PAPOLG: variants seen among roughly 807,000 people sequenced by gnomAD.
The protein encoded by PAPOLG is poly(A) polymerase gamma.
Under a neutral mutation model 99.0 loss-of-function variants are expected in PAPOLG, and 40 were observed. The ratio of observed to expected loss-of-function variants is 0.40; its 90% CI spans 0.31 to 0.53. The LOEUF (loss-of-function observed/expected upper bound fraction) is 0.53, where lower values mean the gene tolerates loss of function less well. Ranked by LOEUF, PAPOLG falls within the 20% of genes least tolerant of loss-of-function variation. PAPOLG has a pLI of 0.41. For missense variants in PAPOLG, 675 were observed against 884.1 expected (o/e 0.76, Z 3.00); for synonymous variants, 310 against 299.3 (o/e 1.04, Z -0.37).
intron 3 of PAPOLG, among the ~76,000 whole-genome samples, chr2:60,762,338 C>T (rs981814104): frequency 1.3e-5 from 2 of 152,080 alleles, no homozygotes; most frequent in Non-Finnish European, 2.9e-5. Context: ...TTTTTCCCCT[C>T]CTGTAGCTTA....
At chr2:60,756,626 C>T (rs1225490309) in intron 1 of PAPOLG, 131 bp downstream of exon 1, 1 of 1,055,552 alleles carries the variant, frequency 9.5e-7, no homozygotes, top group Non-Finnish European at 1.3e-6. Flanking sequence ...TCCTTCCCGG[C>T]TCCCGGCCGG....
At position 60,786,960 on chromosome 2, in the gene PAPOLG, G is replaced by A. The variant is rs1433944868; in HGVS notation, c.1180G>A (p.Glu394Lys). ...TGTTTATTTTAGGGTTGGATTAGTAGAATCTAAAATCCGTGTACTTGTTGG... is the reference window on the plus strand; with the variant it reads ...TGTTTATTTTAGGGTTGGATTAGTAAAATCTAAAATCCGTGTACTTGTTGG... ...ENHLEWVGLV[E>K]SKIRVLVGNL... Residue 394 changes from glutamate to lysine, a missense_variant, in exon 14 of 22, where the codon GAA (glutamate) becomes AAA (lysine). By Grantham distance (56) the Glu-to-Lys change is moderately conservative. Coordinates refer to ENST00000238714, the MANE Select transcript of PAPOLG (RefSeq NM_022894.4). The A allele has an allele frequency of 6.2e-7, 1 of 1,609,758 alleles. No individual in the cohort carries two copies. Among genetic ancestry groups the A allele is most frequent in the Admixed American group, 1.7e-5 (1 of 59,180 alleles).
chr2:60,779,230 A>G (rs1671120427), intron 8 of PAPOLG, among the ~76,000 whole-genome samples: 1 of 152,236 alleles, frequency 6.6e-6, no homozygotes, highest in Non-Finnish European at 1.5e-5. Context: ...ATGATTATTA[A>G]TTAAATATTC....
intron 3 of PAPOLG, among the ~76,000 whole-genome samples, chr2:60,763,939 A>T (rs1670597294): frequency 6.6e-6 from 1 of 150,740 alleles, no homozygotes; most frequent in Admixed American, 6.6e-5. Flanking sequence ...AGTAGCTGGG[A>T]TTACAGGTGC....
At chr2:60,772,195 GC>G (rs1670873826) in intron 7 of PAPOLG, among the ~76,000 whole-genome samples, 1 of 152,146 alleles carries the variant, frequency 6.6e-6, no homozygotes, top group Non-Finnish European at 1.5e-5. Context: ...TGTAATCCCA[GC>G]CCTTTGGGAG....
chr2:60,781,203 A>G (rs1671177729), intron 10 of PAPOLG, among the ~76,000 whole-genome samples: 2 of 152,136 alleles, frequency 1.3e-5, no homozygotes, highest in South Asian at 4.1e-4. Flanking sequence ...TGAAAATATA[A>G]AAAATTAGCC....
At chr2:60,758,417 A>C (rs1670419694) in intron 1 of PAPOLG, among the ~76,000 whole-genome samples, 1 of 126,188 alleles carries the variant, frequency 7.9e-6, no homozygotes, top group Non-Finnish European at 1.6e-5. Flanking sequence ...TCTCTGCCTA[A>C]TGAGATTTTT....
chr2:60,770,865 C>T (rs1442704808), intron 6 of PAPOLG, among the ~76,000 whole-genome samples: 3 of 152,208 alleles, frequency 2.0e-5, no homozygotes, highest in Admixed American at 6.5e-5. Context: ...CCTCGTGATC[C>T]GCCCACCTTG....
intron 10 of PAPOLG, 139 bp from the exon 11 acceptor site, chr2:60,781,746 G>C: frequency 9.0e-7 from 1 of 1,105,152 alleles, no homozygotes; most frequent in East Asian, 2.6e-5. Flanking sequence ...AATGCAGTTG[G>C]GGAGGGAAAA....
intron 8 of PAPOLG, among the ~76,000 whole-genome samples, chr2:60,776,164 C>T (rs1310150116): frequency 6.6e-6 from 1 of 152,184 alleles, no homozygotes; most frequent in African/African-American, 2.4e-5. Context: ...ACTTTAATCT[C>T]CTAGTATGTG....
chr2:60,760,493 A>C (rs558765068), intron 2 of PAPOLG, among the ~76,000 whole-genome samples, 198 bp downstream of exon 2: 1 of 152,352 alleles, frequency 6.6e-6, no homozygotes, highest in Admixed American at 6.5e-5. Context: ...TATGACACTC[A>C]TGAGTAATAT....
chr2:60,771,050 A>G (rs1347917462), intron 6 of PAPOLG, among the ~76,000 whole-genome samples: 2 of 152,154 alleles, frequency 1.3e-5, no homozygotes, highest in Non-Finnish European at 2.9e-5. Context: ...TCTTAGGTCT[A>G]CTGGGTCTGT....
In PAPOLG at chr2:60,797,144, T is replaced by C; in HGVS notation, c.2195T>C (p.Leu732Pro). 6.2e-7 allele frequency: 1 copy of C among 1,614,128 alleles called. No homozygotes were observed. Among genetic ancestry groups the C allele is most frequent in the Non-Finnish European group, 8.5e-7 (1 of 1,179,974 alleles). ...CGTGTCATCAAAAATTCCATTCGACTGACCCTTAATCGGTAAAAGCAGTGC... is the reference window on the plus strand; with the variant it reads ...CGTGTCATCAAAAATTCCATTCGACCGACCCTTAATCGGTAAAAGCAGTGC... ...NIRVIKNSIR[L>P]TLNR The change falls in exon 22 of 22, where the codon CTG becomes CCG. Residue 732 changes from leucine to proline, a missense_variant. Coordinates refer to ENST00000238714, the MANE Select transcript of PAPOLG (RefSeq NM_022894.4).
At chr2:60,763,994 G>T (rs139473975) in intron 3 of PAPOLG, among the ~76,000 whole-genome samples, 3,168 of 152,044 alleles carry the variant, frequency 0.021, 46 homozygotes, top group Non-Finnish European at 0.031. Flanking sequence ...GTAGAGATGG[G>T]GTTTCACCAT....
At chr2:60,783,059 T>A (rs1162956097) in intron 12 of PAPOLG, 97 bp from the exon 13 acceptor site, 1 of 1,122,350 alleles carries the variant, frequency 8.9e-7, no homozygotes, top group East Asian at 2.6e-5. Flanking sequence ...TTAGCTCATT[T>A]GTTCAGTGAG....
chr2:60,795,262 G>A (rs780356996), intron 21 of PAPOLG: 2 of 625,570 alleles, frequency 3.2e-6, no homozygotes, highest in South Asian at 3.1e-5. Context: ...TTTAGATTAT[G>A]TTCACCCTTT....
Position 60,794,711 on chromosome 2 carries a change from T to C in PAPOLG, c.1991T>C (p.Phe664Ser), listed in dbSNP as rs1373561314. 6.2e-7 allele frequency: 1 copy of C among 1,610,342 alleles called. No homozygotes were observed. The highest frequency in any genetic ancestry group is 1.7e-5 in the Admixed American group (1 of 59,940). Reference protein sequence around the residue: ...TPKRLKDVEKFIRLESTFKDP... With the variant: ...TPKRLKDVEKSIRLESTFKDP... Reference sequence around the variant, plus strand: ...TCTATTTCAATGTTTATATTTTAGTTTATTCGACTTGAATCAACATTTAAG... The same window carrying C: ...TCTATTTCAATGTTTATATTTTAGTCTATTCGACTTGAATCAACATTTAAG... Residue 664 changes from phenylalanine to serine, a missense_variant and splice_region_variant, in exon 20 of 22, where the codon TTT becomes TCT. By Grantham distance (155) the Phe-to-Ser change is radical (BLOSUM62 -2). This residue lies in a region of PAPOLG where 413 missense variants were observed against 460.5 expected (regional missense o/e 0.90). Coordinates refer to ENST00000238714, the MANE Select transcript of PAPOLG (RefSeq NM_022894.4).
chr2:60,792,029 A>C, intron 16 of PAPOLG, 100 bp from the exon 17 acceptor site: 1 of 1,457,048 alleles, frequency 6.9e-7, no homozygotes, highest in Non-Finnish European at 9.3e-7. Flanking sequence ...CATTTTCATT[A>C]ATCACAAGAG....
At chr2:60,787,368 C>A in intron 14 of PAPOLG, 143 bp from the exon 15 acceptor site, 1 of 1,093,066 alleles carries the variant, frequency 9.1e-7, no homozygotes, top group Non-Finnish European at 1.3e-6. Context: ...TTCTGGATGT[C>A]ACTTTTAAGA....
Sources: allele counts gnomAD v4.1 joint callset (sites outside exome capture counted in the v4.1 genomes callset), GRCh38; gene constraint gnomAD v4.1.1; regional missense constraint gnomAD v4.1.1; transcripts MANE v1.5; gene names NCBI Gene and HGNC (gene_info 2026-07-23, HGNC 2026-07-21).